Variants in LARS2 observed in about 807,000 individuals in gnomAD.
LARS2 encodes leucyl-tRNA synthetase 2, mitochondrial, also known as leucine--tRNA ligase, mitochondrial.
A neutral mutation model predicts 116.6 loss-of-function variants in LARS2; 81 were observed. The ratio of observed to expected loss-of-function variants is 0.69; its 90% CI spans 0.58 to 0.84. The LOEUF (loss-of-function observed/expected upper bound fraction) is 0.84. Ranked by LOEUF, LARS2 falls within the 40% of genes least tolerant of loss-of-function variation. The probability of loss-of-function intolerance (pLI) is 0.00; values close to 1 mark genes in which losing one functional copy is unlikely to be tolerated. For synonymous variants in LARS2, 396 were observed against 407.2 expected (o/e 0.97, Z 0.33); for missense variants, 968 against 1,114.5 (o/e 0.87, Z 1.87).
chr3:45,400,350 T>C lies in LARS2; in HGVS notation c.340T>C (p.Phe114Leu), dbSNP rs775045400. 1 of 1,610,658 alleles carries C rather than the reference T, an allele frequency of 6.2e-7. No homozygotes were observed. Among genetic ancestry groups the C allele is most frequent in the South Asian group, 1.1e-5 (1 of 90,330 alleles). ...CACCATCAGCGACACCATAGCACGG[T>C]TCCAGAAGATGAGAGGGATGCAGGT... ...VYTISDTIAR[F>L]QKMRGMQVIN... Residue 114 changes from phenylalanine (F) to leucine (L), a missense_variant, in exon 4 of 22, where the codon TTC becomes CTC. Phe to Leu is a conservative substitution (Grantham distance 22, BLOSUM62 0). Coordinates refer to ENST00000645846, the MANE Select transcript of LARS2 (RefSeq NM_015340.4).
At chr3:45,404,825 G>A (rs979242614) in intron 4 of LARS2, among the ~76,000 whole-genome samples, 29 of 152,112 alleles carry the variant, frequency 1.9e-4, no homozygotes, top group African/African-American at 7.0e-4. Context: ...GATCTCAGGT[G>A]ATCAGCCTGC....
chr3:45,513,699 T>A (rs1700328071), intron 16 of LARS2, among the ~76,000 whole-genome samples: 1 of 152,142 alleles, frequency 6.6e-6, no homozygotes, highest in Non-Finnish European at 1.5e-5. Context: ...CAGCCCCCTC[T>A]TAGCATTTCC....
intron 21 of LARS2, among the ~76,000 whole-genome samples, chr3:45,546,070 C>A (rs1318308904): frequency 2.0e-5 from 3 of 152,176 alleles, no homozygotes; most frequent in Admixed American, 6.5e-5. Context: ...TCACCCAGCA[C>A]CCCCTCTGTA....
At chr3:45,455,902 C>T (rs183398120) in intron 7 of LARS2, among the ~76,000 whole-genome samples, 62 of 152,096 alleles carry the variant, frequency 4.1e-4, no homozygotes, top group South Asian at 3.1e-3. Flanking sequence ...CACAGAAAGG[C>T]AAAAATCATG....
chr3:45,462,629 A>AG (rs1426953350), intron 8 of LARS2, among the ~76,000 whole-genome samples: 1 of 152,100 alleles, frequency 6.6e-6, no homozygotes, highest in Non-Finnish European at 1.5e-5. Context: ...GTTGAGCTGG[A>AG]GGGGGGAAGA....
rs1293916550 is a variant in LARS2 at position 45,491,596 on chromosome 3, C to T, written c.1319C>T (p.Thr440Ile). The change falls in exon 13 of 22, where the codon ACA becomes ATA. Residue 440 changes from threonine (T) to isoleucine (I), a missense_variant. Thr to Ile is a moderately conservative substitution (Grantham distance 89). Transcript: ENST00000645846. Reference sequence around the variant, plus strand: ...GGGAAGAGAGTGGGTGGAGACGTGACAAGTGATAAACTGAAAGACTGGCTG... The same window carrying T: ...GGGAAGAGAGTGGGTGGAGACGTGATAAGTGATAAACTGAAAGACTGGCTG... ...ARGKRVGGDV[T>I]SDKLKDWLIS... 8.1e-6 allele frequency: 13 copies of T among 1,614,182 alleles called. No individual in the cohort carries two copies. The highest frequency in any genetic ancestry group is 1.1e-5 in the Non-Finnish European group (13 of 1,180,016).
chr3:45,407,876 T>C (rs1251447316), intron 4 of LARS2, among the ~76,000 whole-genome samples: 2 of 152,224 alleles, frequency 1.3e-5, no homozygotes, highest in Non-Finnish European at 2.9e-5. Flanking sequence ...TTCCTTCCCT[T>C]CCATCGCCAA....
chr3:45,415,713 G>A lies in LARS2; in HGVS notation c.364-1769G>A, dbSNP rs187915556. On this transcript the variant is annotated intron_variant, in intron 4 of 21. Coordinates refer to ENST00000645846, the MANE Select transcript of LARS2 (RefSeq NM_015340.4). ...AAATACAAAAATTAGCCGGGTGTGG[G>A]GGTATGTGCCTGTAATCCCAGCTAC... Among the ~76,000 whole-genome samples, 3 of 151,768 alleles carry A rather than the reference G, an allele frequency of 2.0e-5. No individual in the cohort carries two copies. The East Asian group carries it at 5.8e-4, about 29-fold the overall frequency.
At chr3:45,535,891 T>C (rs1158625185) in intron 20 of LARS2, among the ~76,000 whole-genome samples, 1 of 152,196 alleles carries the variant, frequency 6.6e-6, no homozygotes, top group East Asian at 1.9e-4. Context: ...GCTGTGACCA[T>C]TGGAGGAGGC....
intron 20 of LARS2, among the ~76,000 whole-genome samples, chr3:45,540,946 C>CA (rs1559501875): frequency 6.6e-6 from 1 of 152,018 alleles, no homozygotes; most frequent in Admixed American, 6.6e-5. Flanking sequence ...CCACCATGTC[C>CA]GGCTAATTTT....
At chr3:45,527,611 G>A (rs901477595) in intron 20 of LARS2, among the ~76,000 whole-genome samples, 36 of 150,836 alleles carry the variant, frequency 2.4e-4, no homozygotes, top group Admixed American at 2.3e-3. Context: ...GCGACAGAGC[G>A]AGACTCCGTC....
chr3:45,505,357 G>A (rs1300112410), intron 15 of LARS2, among the ~76,000 whole-genome samples: 2 of 151,708 alleles, frequency 1.3e-5, no homozygotes, highest in African/African-American at 4.8e-5. Flanking sequence ...AGAGAGAATT[G>A]ATTCAAACTT....
At chr3:45,491,405 GA>G in intron 12 of LARS2, 111 bp from the exon 13 acceptor site, 1 of 1,175,928 alleles carries the variant, frequency 8.5e-7, no homozygotes, top group Non-Finnish European at 1.2e-6. Context: ...GCTCTGCACA[GA>G]ACTGGTCCCT....
At chr3:45,498,713 G>A (rs1047523091) in intron 14 of LARS2, among the ~76,000 whole-genome samples, 11 of 152,184 alleles carry the variant, frequency 7.2e-5, no homozygotes, top group Admixed American at 5.2e-4. Context: ...TCAAGGGACG[G>A]CATTACCTTG....
chr3:45,460,408 T>C (rs1699296662), intron 8 of LARS2, among the ~76,000 whole-genome samples: 2 of 152,252 alleles, frequency 1.3e-5, no homozygotes, highest in African/African-American at 4.8e-5. Context: ...ATGATTCTGT[T>C]ATAGGCATTG....
intron 20 of LARS2, among the ~76,000 whole-genome samples, chr3:45,531,612 GGGCTCAAGCAGTCCTCCCTCCTT>G (rs1700616733): frequency 6.6e-6 from 1 of 151,968 alleles, no homozygotes; most frequent in Admixed American, 6.6e-5. Flanking sequence ...CTGAGCTCCT[GGGCTCAAGCAGTCCTCCCTCCTT>G]GGCCTCCCAA....
chr3:45,391,505 C>T (rs865789157), intron 1 of LARS2, 78 bp from the exon 2 acceptor site: 1 of 151,232 alleles, frequency 6.6e-6, no homozygotes, highest in Middle Eastern at 3.4e-3. Context: ...AAACAAAATC[C>T]ATCTGTGTTT....
chr3:45,490,244 C>A (rs1183870206), intron 12 of LARS2, among the ~76,000 whole-genome samples: 1 of 152,098 alleles, frequency 6.6e-6, no homozygotes, highest in East Asian at 1.9e-4. Flanking sequence ...CCCCAGTTAA[C>A]CCTCTACAGG....
chr3:45,530,463 T>C (rs1265669113), intron 20 of LARS2, among the ~76,000 whole-genome samples: 1 of 152,104 alleles, frequency 6.6e-6, no homozygotes, highest in East Asian at 1.9e-4. Flanking sequence ...GAGGTAGCAG[T>C]GAGCCAAGAT....
Sources: allele counts gnomAD v4.1 joint callset (sites outside exome capture counted in the v4.1 genomes callset), GRCh38; gene constraint gnomAD v4.1.1; transcripts MANE v1.5; gene names NCBI Gene and HGNC (gene_info 2026-07-23, HGNC 2026-07-21).